ZNF510: variants seen among roughly 807,000 people sequenced by gnomAD.
ZNF510 encodes the protein zinc finger protein 510.
ZNF510 carries 15 observed loss-of-function variants against 18.1 expected under a neutral mutation model. The ratio of observed to expected loss-of-function variants is 0.83; its 90% CI spans 0.55 to 1.28. The LOEUF (loss-of-function observed/expected upper bound fraction) is 1.28. Ranked by LOEUF, ZNF510 falls within the 50% of genes most tolerant of loss-of-function variation. ZNF510 has a pLI of 0.00. For synonymous variants in ZNF510, 261 were observed against 266.4 expected (o/e 0.98, Z 0.20); for missense variants, 724 against 791.8 (o/e 0.91, Z 1.03).
At chr9:96,772,767 C>T (rs1177069128) in intron 3 of ZNF510, among the ~76,000 whole-genome samples, 2 of 152,156 alleles carry the variant, frequency 1.3e-5, no homozygotes, top group Non-Finnish European at 2.9e-5. Context: ...AGCCAGAATG[C>T]TAGTGGGAAT....
Position 96,759,851 on chromosome 9 carries a change from T to C in ZNF510, c.979A>G (p.Asn327Asp), listed in dbSNP as rs748439221. The C allele has an allele frequency of 2.5e-6, 4 of 1,613,584 alleles. No homozygotes were observed. Among genetic ancestry groups the C allele is most frequent in the African/African-American group, 1.3e-5 (1 of 75,036 alleles). ...TGTTTTATACCCATATTAAGTTTAT[T>C]ATATTCCTCCACAGTTGACTTCTCA... ...SFEKSTVEEYNKLNMGIKHYE... is the reference protein window; with the variant it reads ...SFEKSTVEEYDKLNMGIKHYE... Residue 327 changes from asparagine (N) to aspartate (D), a missense_variant, in exon 6 of 6, where the codon AAT becomes GAT. Asn to Asp is a conservative substitution (Grantham distance 23). Transcript: ENST00000223428.
chr9:96,761,211 T>G (rs898644829), intron 5 of ZNF510, among the ~76,000 whole-genome samples: 4 of 152,210 alleles, frequency 2.6e-5, no homozygotes, highest in Admixed American at 6.5e-5. Context: ...CCATCAGAAC[T>G]AAGTGCTAAG....
rs149429376 is a variant in ZNF510 at position 96,770,557 on chromosome 9, C to T, written c.129+4231G>A. On this transcript the variant is annotated intron_variant, in intron 3 of 5. Transcript: ENST00000223428. ...GGCGGATGTTGCAGTGAACTGAGATCGTGCCATTGCAATCCAGCCTGAGCG... is the reference window on the plus strand; with the variant it reads ...GGCGGATGTTGCAGTGAACTGAGATTGTGCCATTGCAATCCAGCCTGAGCG... Among the ~76,000 whole-genome samples the T allele has an allele frequency of 2.5e-3, 377 of 151,620 alleles. 3 individuals are homozygous for T. Among genetic ancestry groups the T allele is most frequent in the African/African-American group, 8.6e-3 (355 of 41,382 alleles).
At chr9:96,767,309 T>C (rs139381587) in intron 3 of ZNF510, among the ~76,000 whole-genome samples, 1,775 of 151,352 alleles carry the variant, frequency 0.012, 45 homozygotes, top group African/African-American at 0.041. Flanking sequence ...GCCTGGGTGA[T>C]AGAGCGAGAC....
At chr9:96,760,523 G>A in intron 5 of ZNF510, 46 bp from the exon 6 acceptor site, 2 of 1,510,522 alleles carry the variant, frequency 1.3e-6, no homozygotes. Flanking sequence ...TACATCTTCT[G>A]TGGGTAGAGC....
chr9:96,772,941 G>A (rs1442280917), intron 3 of ZNF510, among the ~76,000 whole-genome samples: 1 of 152,048 alleles, frequency 6.6e-6, no homozygotes, highest in African/African-American at 2.4e-5. Context: ...ATTCCTGATA[G>A]CCTCAAACAG....
intron 3 of ZNF510, among the ~76,000 whole-genome samples, chr9:96,774,306 A>G (rs1257173597): frequency 6.7e-6 from 1 of 149,276 alleles, no homozygotes; most frequent in Non-Finnish European, 1.5e-5. Flanking sequence ...GAAAAACTGT[A>G]TTAATAATAA....
chr9:96,770,952 G>A lies in ZNF510; in HGVS notation c.129+3836C>T, dbSNP rs1300578576. On this transcript the variant is annotated intron_variant, in intron 3 of 5. Coordinates refer to ENST00000223428, the MANE Select transcript of ZNF510 (RefSeq NM_014930.3). ...TAAAGGACACTAGAATAAGTAGCACGATTTGGATTTTCTATATCCTGTTAA... is the reference window on the plus strand; with the variant it reads ...TAAAGGACACTAGAATAAGTAGCACAATTTGGATTTTCTATATCCTGTTAA... 3.9e-5 allele frequency among the ~76,000 whole-genome samples: 6 copies of A among 152,232 alleles called. No homozygotes were observed. In the South Asian group the frequency reaches 1.0e-3, roughly 26 times the overall value.
In ZNF510 at chr9:96,759,974, C is replaced by T. The variant is rs1360757860; in HGVS notation, c.856G>A (p.Glu286Lys). Residue 286 changes from glutamate (E) to lysine (K), a missense_variant, in exon 6 of 6, where the codon GAA (glutamate) becomes AAA (lysine). Coordinates refer to ENST00000223428, the MANE Select transcript of ZNF510 (RefSeq NM_014930.3). ...TTCTTATCACAATTTTTCCTAAATT[C>T]ATCATCTTTAGAGGATGTTTCTCCT... is the stretch of plus-strand genomic sequence containing the variant. ...HTGETSSKDD[E>K]FRKNCDKKTL... The T allele has an allele frequency of 6.2e-7, 1 of 1,613,314 alleles. No homozygotes were observed.
intron 3 of ZNF510, among the ~76,000 whole-genome samples, chr9:96,769,808 C>T (rs558758713): frequency 1.3e-5 from 2 of 152,066 alleles, no homozygotes; most frequent in South Asian, 2.1e-4. Flanking sequence ...AGCCAATAAG[C>T]GCATGAAAAG....
chr9:96,758,707 A>G lies in ZNF510; in HGVS notation c.*71T>C, dbSNP rs1564432405. 6.9e-7 allele frequency: 1 copy of G among 1,459,262 alleles called. No homozygotes were observed. The highest frequency in any genetic ancestry group is 9.2e-7 in the Non-Finnish European group (1 of 1,089,802). 90.4% of individuals were successfully genotyped at this position (1,459,262 alleles called of 1,614,324 possible). ...TGTCTTCTTACATTCACTACCCTCA[A>G]TTGGTTTTTTGTGTATCTCTGATAT... On this transcript the variant is annotated 3_prime_UTR_variant, in exon 6 of 6. Coordinates refer to ENST00000223428, the MANE Select transcript of ZNF510 (RefSeq NM_014930.3).
Position 96,774,834 on chromosome 9 carries a change from C to G in ZNF510, c.83G>C (p.Arg28Pro), listed in dbSNP as rs748648435. Residue 28 changes from arginine to proline, a missense_variant, in exon 3 of 6, where the codon CGG becomes CCG. Physicochemically the swap from Arg to Pro is moderately radical, Grantham distance 103. Coordinates refer to ENST00000223428, the MANE Select transcript of ZNF510 (RefSeq NM_014930.3). ...CTGCTCCTGAAAGAGTGTGGAGAAC[C>G]GTAAAGGATAACCTGGGGGTGAGGA... ...GQLAEGGYPL[R>P]FSTLFQEQQK... 1 of 1,613,442 alleles carries G rather than the reference C, an allele frequency of 6.2e-7. No homozygotes were observed.
chr9:96,758,105 A>G lies in ZNF510; in HGVS notation c.*673T>C, dbSNP rs1272043267. 6.6e-6 allele frequency: 1 copy of G among 152,254 alleles called. No homozygotes were observed. Among genetic ancestry groups the G allele is most frequent in the Non-Finnish European group, 1.5e-5 (1 of 68,040 alleles). 9.4% of individuals were successfully genotyped at this position (152,254 alleles called of 1,614,324 possible). On this transcript the variant is annotated 3_prime_UTR_variant, in exon 6 of 6. Transcript: ENST00000223428. ...ACCATGGTTAATGGAAATTGCGTAA[A>G]GTGAAAATACAGATAAGGGGGGACT...
rs2117864767 is a variant in ZNF510 at position 96,754,666 on chromosome 9, AC to A, written c.*4111del. Among the ~76,000 whole-genome samples, 1 of 152,314 alleles carries A rather than the reference AC, an allele frequency of 6.6e-6. No individual in the cohort carries two copies. On this transcript the variant is annotated 3_prime_UTR_variant, in exon 6 of 6. Coordinates refer to ENST00000223428, the MANE Select transcript of ZNF510 (RefSeq NM_014930.3). ...AACAAGTTTTAAAAATTTATAAAAT[AC>A]CCGTGAATAGGGAACTTATAGCAAT... is the stretch of plus-strand genomic sequence containing the variant.
Position 96,758,672 on chromosome 9 carries a change from C to T in ZNF510, c.*106G>A. On this transcript the variant is annotated 3_prime_UTR_variant, in exon 6 of 6. Coordinates refer to ENST00000223428, the MANE Select transcript of ZNF510 (RefSeq NM_014930.3). ...TTCTCTGATTCACAGTGAGGGTTTA[C>T]TTCTGGGACTGTCTTCTTACATTCA... The T allele has an allele frequency of 8.5e-7, 1 of 1,173,436 alleles. No homozygotes were observed. The highest frequency in any genetic ancestry group is 1.2e-6 in the Non-Finnish European group (1 of 844,730). 72.7% of individuals were successfully genotyped at this position (1,173,436 alleles called of 1,614,324 possible). A position where few individuals can be genotyped will look rare whatever the true frequency, so the allele number is the denominator to read the frequency against.
In ZNF510 at chr9:96,754,754, C is replaced by G. The variant is rs1482552461; in HGVS notation, c.*4024G>C. ...TTGGAACATCAAAAGGAAAAATGCTCAGATTTCAGTTTGATAACTGTACCT... is the reference window on the plus strand; with the variant it reads ...TTGGAACATCAAAAGGAAAAATGCTGAGATTTCAGTTTGATAACTGTACCT... On this transcript the variant is annotated 3_prime_UTR_variant, in exon 6 of 6. Coordinates refer to ENST00000223428, the MANE Select transcript of ZNF510 (RefSeq NM_014930.3). Among the ~76,000 whole-genome samples the G allele has an allele frequency of 1.3e-5, 2 of 152,174 alleles. No individual in the cohort carries two copies. The highest frequency in any genetic ancestry group is 1.3e-4 in the Admixed American group (2 of 15,286).
intron 3 of ZNF510, among the ~76,000 whole-genome samples, chr9:96,773,899 C>G (rs1246576498): frequency 6.6e-6 from 1 of 152,152 alleles, no homozygotes; most frequent in Non-Finnish European, 1.5e-5. Context: ...TGATCTCAGA[C>G]TTCACCCGGC....
chr9:96,777,279 ACAAT>A (rs1040814424), intron 1 of ZNF510, among the ~76,000 whole-genome samples: 2 of 152,164 alleles, frequency 1.3e-5, no homozygotes, highest in African/African-American at 4.8e-5. Flanking sequence ...GGTTTTGGGG[ACAAT>A]CACTCAGTGC....
intron 3 of ZNF510, among the ~76,000 whole-genome samples, chr9:96,765,816 T>A (rs903548689): frequency 3.3e-5 from 5 of 152,120 alleles, no homozygotes; most frequent in Non-Finnish European, 5.9e-5. Context: ...TGGCCGATGA[T>A]TTCACTTTTT....
Sources: allele counts gnomAD v4.1 joint callset (sites outside exome capture counted in the v4.1 genomes callset), GRCh38; gene constraint gnomAD v4.1.1; transcripts MANE v1.5; gene names NCBI Gene and HGNC (gene_info 2026-07-23, HGNC 2026-07-21).